STAT5B: variants seen among roughly 807,000 people sequenced by gnomAD.
The protein encoded by STAT5B is transcription factor STAT5B.
STAT5B carries 21 observed loss-of-function variants against 107.8 expected under a neutral mutation model. The ratio of observed to expected loss-of-function variants is 0.19; its 90% CI spans 0.14 to 0.28. STAT5B has a LOEUF of 0.28. Ranked by LOEUF, STAT5B falls within the 10% of genes least tolerant of loss-of-function variation. The pLI is 1.00. For missense variants in STAT5B, 565 were observed against 1,008.2 expected, an observed-to-expected ratio of 0.56 and a Z score of 5.95; for synonymous variants, 325 against 401.7, an observed-to-expected ratio of 0.81 and a Z score of 2.28.
chr17:42,213,803 A>G (rs2080148936), intron 12 of STAT5B, among the ~76,000 whole-genome samples: 1 of 144,568 alleles, frequency 6.9e-6, no homozygotes, highest in Non-Finnish European at 1.5e-5. Context: ...TGCTGGGATT[A>G]CAGGTGTGAG....
chr17:42,201,514 G>A lies in STAT5B; in HGVS notation c.*224C>T, dbSNP rs180927761. 2.2e-3 allele frequency: 1,419 copies of A among 633,514 alleles called. 34 individuals carry two copies. The South Asian group carries it at 0.024, about 11-fold the overall frequency. 39.2% of individuals were successfully genotyped at this position (633,514 alleles called of 1,614,324 possible). A position where few individuals can be genotyped will look rare whatever the true frequency, so the allele number is the denominator to read the frequency against. On this transcript the variant is annotated 3_prime_UTR_variant, in exon 19 of 19. Coordinates refer to ENST00000293328, the MANE Select transcript of STAT5B (RefSeq NM_012448.4). ...CAGTGAGAGGGAGAAACACCATAAC[G>A]TGCAAACACGCACACACACACACAC...
At chr17:42,259,855 C>T (rs2080579199) in intron 1 of STAT5B, among the ~76,000 whole-genome samples, 2 of 151,996 alleles carry the variant, frequency 1.3e-5, no homozygotes, top group African/African-American at 4.8e-5. Flanking sequence ...GCAAGAGACC[C>T]TATTTGTTTT....
At chr17:42,253,997 A>G (rs1019314165) in intron 1 of STAT5B, among the ~76,000 whole-genome samples, 1 of 152,104 alleles carries the variant, frequency 6.6e-6, no homozygotes, top group Non-Finnish European at 1.5e-5. Context: ...TTGACCCCTC[A>G]TGTTATAGGT....
At chr17:42,221,058 A>C (rs1338009159) in intron 5 of STAT5B, among the ~76,000 whole-genome samples, 1 of 152,076 alleles carries the variant, frequency 6.6e-6, no homozygotes, top group Admixed American at 6.6e-5. Context: ...CTGGCCCCTG[A>C]GGGCCACGTC....
chr17:42,244,093 T>C (rs1301042214), intron 1 of STAT5B, among the ~76,000 whole-genome samples: 1 of 64,138 alleles, frequency 1.6e-5, no homozygotes, highest in Non-Finnish European at 3.1e-5. Flanking sequence ...TTTTCTTTTC[T>C]TTTTTTTTTT....
At chr17:42,249,108 T>A (rs2080476605) in intron 1 of STAT5B, among the ~76,000 whole-genome samples, 1 of 152,186 alleles carries the variant, frequency 6.6e-6, no homozygotes, top group African/African-American at 2.4e-5. Flanking sequence ...AATAAGATGG[T>A]AGGCTGGGTG....
chr17:42,283,462 C>T, the STAT5B span, among the ~76,000 whole-genome samples: 2 of 152,234 alleles, frequency 1.3e-5, no homozygotes, highest in African/African-American at 4.8e-5. Flanking sequence ...CAAGCCTCTC[C>T]CCCAGGGCAG....
At chr17:42,207,829 G>T in intron 15 of STAT5B, 101 bp from the exon 16 acceptor site, 2 of 1,191,422 alleles carry the variant, frequency 1.7e-6, no homozygotes, top group Non-Finnish European at 1.2e-6. Flanking sequence ...CATTATAATG[G>T]CTCCAATAGA....
intron 5 of STAT5B, among the ~76,000 whole-genome samples, chr17:42,221,871 C>T (rs1434956738): frequency 6.6e-6 from 1 of 151,880 alleles, no homozygotes; most frequent in Admixed American, 6.6e-5. Flanking sequence ...ATGGAACCTA[C>T]ATACATGGAA....
At chr17:42,254,433 T>A (rs1178798387) in intron 1 of STAT5B, among the ~76,000 whole-genome samples, 1 of 152,084 alleles carries the variant, frequency 6.6e-6, no homozygotes, top group African/African-American at 2.4e-5. Context: ...ACTTTTCAAA[T>A]CATCCTTCGA....
intron 1 of STAT5B, among the ~76,000 whole-genome samples, chr17:42,270,166 G>A (rs549506025): frequency 2.6e-5 from 4 of 152,208 alleles, no homozygotes; most frequent in East Asian, 1.9e-4. Context: ...CCAAGATCGC[G>A]CCACTGCATT....
chr17:42,214,991 T>G (rs2080159361), intron 12 of STAT5B, among the ~76,000 whole-genome samples: 1 of 152,156 alleles, frequency 6.6e-6, no homozygotes, highest in Admixed American at 6.6e-5. Flanking sequence ...GGGATCTGCC[T>G]GCCTTGGCCT....
chr17:42,207,410 T>C, intron 16 of STAT5B, 148 bp downstream of exon 16: 1 of 1,037,018 alleles, frequency 9.6e-7, no homozygotes, highest in Non-Finnish European at 1.5e-6. Context: ...ACATCTGCCC[T>C]GGAAAATGCT....
At chr17:42,210,526 G>C in intron 13 of STAT5B, 29 bp from the exon 14 acceptor site, 1 of 1,562,514 alleles carries the variant, frequency 6.4e-7, no homozygotes, top group Non-Finnish European at 8.8e-7. Context: ...GTGAACATAA[G>C]AACACCAGAG....
At chr17:42,270,926 C>T (rs2144430577) in intron 1 of STAT5B, 3 of 152,362 alleles carry the variant, frequency 2.0e-5, no homozygotes, top group Admixed American at 2.0e-4. Flanking sequence ...CTGCCCAGCA[C>T]ACTGTCAGTG....
Position 42,200,153 on chromosome 17 carries a change from A to G in STAT5B, c.*1585T>C, listed in dbSNP as rs2144186650. Reference sequence around the variant, plus strand: ...AGCTTTAAAAAAGTCATCTTCCAATAAATAATTTACTATAGAGGAATATTT... The same window carrying G: ...AGCTTTAAAAAAGTCATCTTCCAATGAATAATTTACTATAGAGGAATATTT... On this transcript the variant is annotated 3_prime_UTR_variant, in exon 19 of 19. Transcript: ENST00000293328. 1 of 152,890 alleles carries G rather than the reference A, an allele frequency of 6.5e-6. No individual in the cohort carries two copies. Among genetic ancestry groups the G allele is most frequent in the South Asian group, 2.1e-4 (1 of 4,834 alleles). 9.5% of individuals were successfully genotyped at this position (152,890 alleles called of 1,614,324 possible).
Position 42,210,633 on chromosome 17 carries a change from T to G in STAT5B, c.1681-136A>C. The G allele has an allele frequency of 3.5e-6, 3 of 848,550 alleles. No homozygotes were observed. The South Asian group carries it at 4.2e-5, about 12-fold the overall frequency. 52.6% of individuals were successfully genotyped at this position (848,550 alleles called of 1,614,324 possible). ...AGGCATACAAATATCCCCGCCTACC[T>G]GAGTTTTACCTAATGGCCCCATGGA... On this transcript the variant is annotated intron_variant, in intron 13 of 18. Transcript: ENST00000293328.
rs942199539 is a variant in STAT5B, at chr17:42,201,009, G to A, written c.*729C>T. 4.0e-5 allele frequency: 16 copies of A among 401,024 alleles called. No homozygotes were observed. The highest frequency in any genetic ancestry group is 3.3e-4 in the African/African-American group (16 of 48,626). 24.8% of individuals were successfully genotyped at this position (401,024 alleles called of 1,614,324 possible). A position where few individuals can be genotyped will look rare whatever the true frequency, so the allele number is the denominator to read the frequency against. On this transcript the variant is annotated 3_prime_UTR_variant, in exon 19 of 19. Transcript: ENST00000293328. ...CTCCAAACATATGTGCACACCCAGAGGAACTGAGTGGCAATTCCAGGGTGC... is the reference window on the plus strand; with the variant it reads ...CTCCAAACATATGTGCACACCCAGAAGAACTGAGTGGCAATTCCAGGGTGC...
At chr17:42,287,327 T>G in the STAT5B span, among the ~76,000 whole-genome samples, 1 of 128,480 alleles carries the variant, frequency 7.8e-6, no homozygotes, top group Non-Finnish European at 1.7e-5. Flanking sequence ...CAGATGAGAA[T>G]GCACCCCCCC....
Sources: allele counts gnomAD v4.1 joint callset (sites outside exome capture counted in the v4.1 genomes callset), GRCh38; gene constraint gnomAD v4.1.1; transcripts MANE v1.5; gene names NCBI Gene and HGNC (gene_info 2026-07-23, HGNC 2026-07-21).